The following GDAP1L1 variants were observed in gnomAD, a reference collection of about 807,000 sequenced individuals.
GDAP1L1 encodes ganglioside induced differentiation associated protein 1 like 1.
A neutral mutation model predicts 37.1 loss-of-function variants in GDAP1L1; 21 were observed. That is an observed-to-expected ratio of 0.57 (90% confidence interval 0.40 to 0.81). The LOEUF (loss-of-function observed/expected upper bound fraction) is 0.81, where lower values mean the gene tolerates loss of function less well. GDAP1L1 is among the 40% of genes least tolerant of loss of function. The pLI is 0.00. For synonymous variants in GDAP1L1, 193 were observed against 209.1 expected (o/e 0.92, Z 0.67); for missense variants, 362 against 491.6 (o/e 0.74, Z 2.49).
At chr20:44,256,214 T>C (rs978903630) in intron 1 of GDAP1L1, among the ~76,000 whole-genome samples, 38 of 152,106 alleles carry the variant, frequency 2.5e-4, no homozygotes, top group African/African-American at 8.7e-4. Flanking sequence ...AATGGGGAGA[T>C]ACTGTTCTAC....
At chr20:44,252,589 G>A (rs2073466126) in intron 1 of GDAP1L1, among the ~76,000 whole-genome samples, 1 of 152,150 alleles carries the variant, frequency 6.6e-6, no homozygotes, top group Non-Finnish European at 1.5e-5. Context: ...GCAGTCAGCC[G>A]AGATTGCACC....
intron 5 of GDAP1L1, among the ~76,000 whole-genome samples, chr20:44,270,466 G>A (rs868398733): frequency 1.3e-5 from 2 of 152,160 alleles, no homozygotes; most frequent in East Asian, 1.9e-4. Flanking sequence ...CACCGCGCCC[G>A]GCCTGTCTTA....
chr20:44,257,222 C>A lies in GDAP1L1; in HGVS notation c.250C>A (p.His84Asn). The change falls in exon 2 of 6, where the codon CAC becomes AAC. Residue 84 changes from histidine (H) to asparagine (N), a missense_variant. Physicochemically the swap from His to Asn is moderately conservative, Grantham distance 68 (BLOSUM62 1). Transcript: ENST00000342560. ...GGACGTGAGCCTGCCACAGAGCGAG[C>A]ACAAGGAGCCCTGGTTCATGCGGCT... Reference protein sequence around the residue: ...ERDVSLPQSEHKEPWFMRLNL... With the variant: ...ERDVSLPQSENKEPWFMRLNL... 6.2e-7 allele frequency: 1 copy of A among 1,612,418 alleles called. No homozygotes were observed. Among genetic ancestry groups the A allele is most frequent in the Non-Finnish European group, 8.5e-7 (1 of 1,179,418 alleles).
chr20:44,258,424 G>C lies in GDAP1L1; in HGVS notation c.374-10G>C, dbSNP rs1306331041. ...TGGCTTCCCTGCCCAGCCCCTGGCGGTGCCCACAGAGCACGTGGTGGCCCT... is the reference window on the plus strand; with the variant it reads ...TGGCTTCCCTGCCCAGCCCCTGGCGCTGCCCACAGAGCACGTGGTGGCCCT... On this transcript the variant is annotated splice_polypyrimidine_tract_variant and intron_variant, in intron 2 of 5. Coordinates refer to ENST00000342560, the MANE Select transcript of GDAP1L1 (RefSeq NM_024034.6). The C allele has an allele frequency of 2.9e-5, 45 of 1,547,980 alleles. No individual in the cohort carries two copies. Among genetic ancestry groups the C allele is most frequent in the Middle Eastern group, 3.4e-4 (2 of 5,954 alleles).
chr20:44,256,663 A>G (rs907635383), intron 1 of GDAP1L1, among the ~76,000 whole-genome samples: 1 of 151,694 alleles, frequency 6.6e-6, no homozygotes, highest in Non-Finnish European at 1.5e-5. Flanking sequence ...CTGTCTTAAA[A>G]AAAAGGGGAA....
chr20:44,265,119 C>T, intron 5 of GDAP1L1: 9 of 985,402 alleles, frequency 9.1e-6, no homozygotes, highest in Non-Finnish European at 1.1e-5. Context: ...CCACACCATC[C>T]CACTTGCCCT....
intron 1 of GDAP1L1, among the ~76,000 whole-genome samples, chr20:44,250,643 T>C (rs931629893): frequency 3.3e-5 from 5 of 152,226 alleles, no homozygotes; most frequent in African/African-American, 1.2e-4. Context: ...GTTCACACAC[T>C]TAGCACAATG....
Position 44,253,930 on chromosome 20 carries a change from G to A in GDAP1L1, c.181-3223G>A, listed in dbSNP as rs187780097. On this transcript the variant is annotated intron_variant, in intron 1 of 5. Coordinates refer to ENST00000342560, the MANE Select transcript of GDAP1L1 (RefSeq NM_024034.6). ...GAGACCCAGGGTAGAGCATGGGAGC[G>A]GCCCCTGGAGGCAGGTGCCCTGCCA... is the stretch of plus-strand genomic sequence containing the variant. Among the ~76,000 whole-genome samples the A allele has an allele frequency of 2.0e-4, 31 of 152,344 alleles. No homozygotes were observed. In the East Asian group the frequency reaches 5.6e-3, roughly 27 times the overall value.
intron 1 of GDAP1L1, among the ~76,000 whole-genome samples, chr20:44,251,154 A>C (rs2073433905): frequency 6.6e-6 from 1 of 152,244 alleles, no homozygotes; most frequent in Non-Finnish European, 1.5e-5. Flanking sequence ...GGGAGGTACT[A>C]GTACCAATTT....
intron 1 of GDAP1L1, among the ~76,000 whole-genome samples, chr20:44,256,438 G>A (rs2017384): frequency 0.079 from 11,957 of 152,228 alleles, 969 homozygotes; most frequent in East Asian, 0.31. Flanking sequence ...GGGAGGCTGA[G>A]GTGGCCAGAG....
rs1209425197 is a variant in GDAP1L1, at chr20:44,276,395, AAG to A, written c.761-2561_761-2560del. Among the ~76,000 whole-genome samples, 248 of 124,644 alleles carry A rather than the reference AAG, an allele frequency of 2.0e-3. 1 individual carries two copies. The highest frequency in any genetic ancestry group is 7.4e-3 in the African/African-American group (234 of 31,602). 81.8% of individuals were successfully genotyped at this position (124,644 alleles called of 152,430 possible). A position where few individuals can be genotyped will look rare whatever the true frequency, so the allele number is the denominator to read the frequency against. The stretch of plus-strand genomic sequence containing the variant: ...GGAAGGAAGGAAGGAAAAGAAAAGA[AAG>A]GGAAAGAAAAAAGAAAAAGAAAGAA... On this transcript the variant is annotated intron_variant, in intron 5 of 5. Coordinates refer to ENST00000342560, the MANE Select transcript of GDAP1L1 (RefSeq NM_024034.6).
At chr20:44,252,137 T>C (rs569476769) in intron 1 of GDAP1L1, among the ~76,000 whole-genome samples, 2 of 152,338 alleles carry the variant, frequency 1.3e-5, no homozygotes, top group Admixed American at 6.5e-5. Context: ...AAAATAAACA[T>C]GTAATTTTCC....
rs757286643 is a variant in GDAP1L1, at chr20:44,279,172, G to A, written c.976G>A (p.Val326Ile). 5.9e-5 allele frequency: 96 copies of A among 1,613,920 alleles called. No homozygotes were observed. The highest frequency in any genetic ancestry group is 6.7e-5 in the East Asian group (3 of 44,894). The part of the protein sequence containing the change: ...GDIHTTLLSA[V>I]IPNAFRLVKR... ...CATCCACACCACCCTGCTGTCGGCCGTCATCCCCAATGCTTTCCGGCTGGT... is the reference window on the plus strand; with the variant it reads ...CATCCACACCACCCTGCTGTCGGCCATCATCCCCAATGCTTTCCGGCTGGT... Residue 326 changes from valine to isoleucine, a missense_variant, in exon 6 of 6, where the codon GTC becomes ATC. Val to Ile is a conservative substitution (Grantham distance 29). Coordinates refer to ENST00000342560, the MANE Select transcript of GDAP1L1 (RefSeq NM_024034.6).
At chr20:44,264,667 G>A in intron 5 of GDAP1L1, 108 bp downstream of exon 5, 1 of 1,509,700 alleles carries the variant, frequency 6.6e-7, no homozygotes, top group Non-Finnish European at 8.9e-7. Context: ...GACCTCCCAG[G>A]TGGTTAAGAG....
At chr20:44,273,017 G>A (rs770324070) in intron 5 of GDAP1L1, among the ~76,000 whole-genome samples, 23 of 152,182 alleles carry the variant, frequency 1.5e-4, no homozygotes, top group African/African-American at 3.6e-4. Context: ...TACTGAAAGC[G>A]GCCTGAGTTG....
At chr20:44,262,549 T>A (rs1377599053) in intron 3 of GDAP1L1, among the ~76,000 whole-genome samples, 1 of 152,026 alleles carries the variant, frequency 6.6e-6, no homozygotes, top group East Asian at 1.9e-4. Context: ...GGGTACAGTC[T>A]CCTCCTCCGT....
Position 44,258,458 on chromosome 20 carries a change from A to C in GDAP1L1, c.398A>C (p.Glu133Ala). The C allele has an allele frequency of 6.4e-7, 1 of 1,552,812 alleles. No individual in the cohort carries two copies. Among genetic ancestry groups the C allele is most frequent in the Non-Finnish European group, 8.7e-7 (1 of 1,148,246 alleles). ...TGEHVVALMP[E>A]VGSLQHARVL... Reference sequence around the variant, plus strand: ...GAGCACGTGGTGGCCCTGATGCCCGAGGTGGGCAGCCTGCAGCACGCACGG... The same window carrying C: ...GAGCACGTGGTGGCCCTGATGCCCGCGGTGGGCAGCCTGCAGCACGCACGG... Residue 133 changes from glutamate (E) to alanine (A), a missense_variant, in exon 3 of 6, where the codon GAG (glutamate) becomes GCG (alanine). Glu to Ala is a moderately radical substitution (Grantham distance 107, BLOSUM62 -1). Around this residue, in one of 2 missense-constraint regions of GDAP1L1, gnomAD observed 277 missense variants for 337.1 expected, o/e 0.82. Transcript: ENST00000342560.
At chr20:44,257,974 A>AT (rs1438611367) in intron 2 of GDAP1L1, among the ~76,000 whole-genome samples, 1 of 152,162 alleles carries the variant, frequency 6.6e-6, no homozygotes, top group Non-Finnish European at 1.5e-5. Flanking sequence ...AGAACCTCGC[A>AT]GAGACCCCGT....
At position 44,279,879 on chromosome 20, in the gene GDAP1L1, G is replaced by A; in HGVS notation, c.*579G>A. 2.3e-6 allele frequency: 1 copy of A among 432,868 alleles called. No homozygotes were observed. Among genetic ancestry groups the A allele is most frequent in the Non-Finnish European group, 4.7e-6 (1 of 211,674 alleles). 26.8% of individuals were successfully genotyped at this position (432,868 alleles called of 1,614,324 possible). On this transcript the variant is annotated 3_prime_UTR_variant, in exon 6 of 6. Transcript: ENST00000342560. Reference sequence around the variant, plus strand: ...TGGACTAGCTTGAGCCAAGGCAGTGGCACCCAAAAACCAGGCTGCAGTGGG... The same window carrying A: ...TGGACTAGCTTGAGCCAAGGCAGTGACACCCAAAAACCAGGCTGCAGTGGG...
Sources: gnomAD v4.1 joint callset for allele counts (sites outside exome capture counted in the v4.1 genomes callset) on GRCh38, gnomAD v4.1.1 for gene constraint, gnomAD v4.1.1 regional missense constraint, MANE v1.5 for transcripts, NCBI Gene and HGNC (gene_info 2026-07-23, HGNC 2026-07-21) for gene names.